The following CFAP410 variants were observed in gnomAD, a reference collection of about 807,000 sequenced individuals.
CFAP410 encodes cilia and flagella associated protein 410.
In CFAP410, 27 loss-of-function variants were observed where a neutral mutation model predicts 25.7. The ratio of observed to expected loss-of-function variants is 1.05; its 90% CI spans 0.77 to 1.45. CFAP410 has a LOEUF of 1.45. Among genes scored for constraint, CFAP410 ranks in the 40% most tolerant of loss-of-function variants. The probability of loss-of-function intolerance (pLI) is 0.00; values close to 1 mark genes in which losing one functional copy is unlikely to be tolerated. For synonymous variants in CFAP410, 178 were observed against 158.4 expected (o/e 1.12, Z -0.93); for missense variants, 428 against 354.1 (o/e 1.21, Z -1.67).
rs1426052453 is a variant in CFAP410, at chr21:44,339,343, G to C, written c.-149C>G. 3 of 452,786 alleles carry C rather than the reference G, an allele frequency of 6.6e-6. No homozygotes were observed. Among genetic ancestry groups the C allele is most frequent in the Admixed American group, 4.5e-5 (1 of 22,294 alleles). 28.0% of individuals were successfully genotyped at this position (452,786 alleles called of 1,614,324 possible). A position where few individuals can be genotyped will look rare whatever the true frequency, so the allele number is the denominator to read the frequency against. The stretch of plus-strand genomic sequence containing the variant: ...GGCGGCTCGGTGAGGAGAGCGGGGC[G>C]ACGCGAGCCCGCTGGGGCCGCTTGG... On this transcript the variant is annotated 5_prime_UTR_variant, in exon 1 of 7. Coordinates refer to ENST00000339818, the MANE Select transcript of CFAP410 (RefSeq NM_004928.3).
rs372853354 is a variant in CFAP410 at position 44,337,631 on chromosome 21, C to G, written c.96+18G>C. On this transcript the variant is annotated intron_variant, in intron 2 of 6. Coordinates refer to ENST00000339818, the MANE Select transcript of CFAP410 (RefSeq NM_004928.3). ...GAGATGATCAGTGCAATACTTACAT[C>G]TGTGAGGCAATACTTACATCTGTGA... The G allele has an allele frequency of 6.2e-7, 1 of 1,610,066 alleles. No homozygotes were observed. Among genetic ancestry groups the G allele is most frequent in the African/African-American group, 1.3e-5 (1 of 74,826 alleles).
chr21:44,330,390 G>T, intron 6 of CFAP410, 64 bp from the exon 7 acceptor site: 1 of 1,578,630 alleles, frequency 6.3e-7, no homozygotes. Context: ...CTCCACAAGG[G>T]CTGGGGCCTG....
chr21:44,333,194 C>A lies in CFAP410; in HGVS notation c.212G>T (p.Arg71Met). The A allele has an allele frequency of 6.2e-7, 1 of 1,612,956 alleles. No homozygotes were observed. The highest frequency in any genetic ancestry group is 8.5e-7 in the Non-Finnish European group (1 of 1,179,964). Residue 71 changes from arginine to methionine, a missense_variant, in exon 4 of 7, where the codon AGG (arginine) becomes ATG (methionine). By Grantham distance (91) the Arg-to-Met change is moderately conservative. Coordinates refer to ENST00000339818, the MANE Select transcript of CFAP410 (RefSeq NM_004928.3). ...CTCAGCCAGGCTGGGGATGCGGTTC[C>A]TCCGCAGGTACAGCTCACTCAGGCG... ...CQRLSELYLR[R>M]NRIPSLAELF...
chr21:44,335,893 C>A (rs894090989), intron 2 of CFAP410, 89 bp from the exon 3 acceptor site: 11 of 1,015,562 alleles, frequency 1.1e-5, no homozygotes, highest in Non-Finnish European at 1.7e-5. Flanking sequence ...GTCGAAGCCA[C>A]GGCCAACCCA....
At chr21:44,333,658 G>A (rs2047694800) in intron 3 of CFAP410, 1 of 309,746 alleles carries the variant, frequency 3.2e-6, no homozygotes, top group African/African-American at 2.1e-5. Context: ...CAAAAACTAG[G>A]AGCCAGCTCC....
chr21:44,330,994 G>T, intron 5 of CFAP410, 75 bp from the exon 6 acceptor site: 1 of 1,319,390 alleles, frequency 7.6e-7, no homozygotes, highest in Non-Finnish European at 1.0e-6. Flanking sequence ...CCCTGTCTGC[G>T]GGTCGCATCC....
chr21:44,334,696 A>G (rs1357402243), intron 3 of CFAP410: 2 of 248,626 alleles, frequency 8.0e-6, no homozygotes, highest in Non-Finnish European at 1.6e-5. Context: ...TAGCCAGCCA[A>G]TAGATGGGAG....
At position 44,330,835 on chromosome 21, in the gene CFAP410, G is replaced by T; in HGVS notation, c.630C>A (p.Ser210Arg). 1.2e-6 allele frequency: 2 copies of T among 1,603,952 alleles called. No individual in the cohort carries two copies. Among genetic ancestry groups the T allele is most frequent in the Non-Finnish European group, 1.7e-6 (2 of 1,175,748 alleles). The change falls in exon 6 of 7, where the codon AGC (serine) becomes AGA (arginine). Residue 210 changes from serine (S) to arginine (R), a missense_variant. Ser to Arg is a moderately radical substitution (Grantham distance 110, BLOSUM62 -1). Transcript: ENST00000339818. Reference protein sequence around the residue: ...PSLSARDASSSHRGRNVLTAI... With the variant: ...PSLSARDASSRHRGRNVLTAI... Reference sequence around the variant, plus strand: ...GCCCGCCACTCACCCTGCCCCTGTGGCTGCTCGAGGCATCCCTGGCTGAGA... The same window carrying T: ...GCCCGCCACTCACCCTGCCCCTGTGTCTGCTCGAGGCATCCCTGGCTGAGA...
chr21:44,337,968 A>G (rs537223521), intron 1 of CFAP410, among the ~76,000 whole-genome samples: 1 of 152,336 alleles, frequency 6.6e-6, no homozygotes, highest in East Asian at 1.9e-4. Flanking sequence ...CCTGAGTAGC[A>G]GAAGGTTCAT....
intron 1 of CFAP410, 38 bp from the exon 2 acceptor site, chr21:44,337,705 A>G (rs747734523): frequency 3.1e-6 from 5 of 1,592,042 alleles, no homozygotes; most frequent in Non-Finnish European, 4.3e-6. Flanking sequence ...ATTTTGTTAA[A>G]GTTGAATAAA....
At chr21:44,333,895 C>A (rs1343025811) in intron 3 of CFAP410, 2 of 357,388 alleles carry the variant, frequency 5.6e-6, no homozygotes, top group Non-Finnish European at 1.1e-5. Context: ...GAGCCAGGGC[C>A]CCCTGCCTGG....
At chr21:44,331,590 G>A (rs527918461) in intron 5 of CFAP410, 136 of 501,438 alleles carry the variant, frequency 2.7e-4, no homozygotes, top group Admixed American at 2.2e-3. Context: ...GCCAGGGCAC[G>A]GGGCCTGGCT....
chr21:44,333,248 G>T lies in CFAP410; in HGVS notation c.158C>A (p.Ser53Tyr). 1 of 1,611,688 alleles carries T rather than the reference G, an allele frequency of 6.2e-7. No individual in the cohort carries two copies. The highest frequency in any genetic ancestry group is 2.2e-5 in the East Asian group (1 of 44,844). Reference protein sequence around the residue: ...EVITLSVNSISTLEPVSRCQR... With the variant: ...EVITLSVNSIYTLEPVSRCQR... Reference sequence around the variant, plus strand: ...GCACCGGCTCACAGGCTCCAGGGTGGAGATGCTGTTGACACTGCACGGAGA... The same window carrying T: ...GCACCGGCTCACAGGCTCCAGGGTGTAGATGCTGTTGACACTGCACGGAGA... Residue 53 changes from serine to tyrosine, a missense_variant, in exon 4 of 7, where the codon TCC becomes TAC. Ser to Tyr is a moderately radical substitution (Grantham distance 144). Coordinates refer to ENST00000339818, the MANE Select transcript of CFAP410 (RefSeq NM_004928.3).
chr21:44,339,226 C>G lies in CFAP410; in HGVS notation c.-32G>C. On this transcript the variant is annotated 5_prime_UTR_variant, in exon 1 of 7. Coordinates refer to ENST00000339818, the MANE Select transcript of CFAP410 (RefSeq NM_004928.3). ...CGCCCAGGCCCGACCGGCGGGCGCC[C>G]CCGGCCTCCTGATCCCGGGCGGGTG... 1 of 1,383,694 alleles carries G rather than the reference C, an allele frequency of 7.2e-7. No homozygotes were observed. The highest frequency in any genetic ancestry group is 2.1e-4 in the Middle Eastern group (1 of 4,810). The allele number at this position is 1,383,694 out of a possible 1,614,324, so 85.7% of individuals were successfully genotyped here.
rs371627365 is a variant in CFAP410, at chr21:44,330,846, C to G, written c.619G>C (p.Ala207Pro). The G allele has an allele frequency of 6.2e-7, 1 of 1,605,278 alleles. No homozygotes were observed. The highest frequency in any genetic ancestry group is 8.5e-7 in the Non-Finnish European group (1 of 1,176,454). The change falls in exon 6 of 7, where the codon GCC becomes CCC. Residue 207 changes from alanine (A) to proline (P), a missense_variant. Transcript: ENST00000339818. ...GQFPSLSARDASSSHRGRNVL... is the reference protein window; with the variant it reads ...GQFPSLSARDPSSSHRGRNVL... ...ACCCTGCCCCTGTGGCTGCTCGAGG[C>G]ATCCCTGGCTGAGAGGGAAGGAAAC...
rs750956343 is a variant in CFAP410 at position 44,339,153 on chromosome 21, G to C, written c.42C>G (p.Ala14=). Residue 14 remains alanine (A), a synonymous_variant, in exon 1 of 7, where the codon GCC becomes GCG. Coordinates refer to ENST00000339818, the MANE Select transcript of CFAP410 (RefSeq NM_004928.3). ...GCTTGCGCACGCTGTGCAGCTCCGA[G>C]GCCTTGGCCCGGGTCAGAACCATCT... is the stretch of plus-strand genomic sequence containing the variant. The part of the protein sequence containing the change: ...TRKMVLTRAK[A]SELHSVRKLN... 1.2e-5 allele frequency: 17 copies of C among 1,473,654 alleles called. 1 individual carries two copies. In the South Asian group the frequency reaches 1.8e-4, roughly 16 times the overall value. The allele number at this position is 1,473,654 out of a possible 1,614,324, so 91.3% of individuals were successfully genotyped here.
chr21:44,335,652 T>C (rs2047737450), intron 3 of CFAP410, 106 bp downstream of exon 3: 3 of 876,212 alleles, frequency 3.4e-6, no homozygotes, highest in Non-Finnish European at 5.5e-6. Flanking sequence ...CAGTCTGTGT[T>C]GGAGGTTTCC....
intron 2 of CFAP410, among the ~76,000 whole-genome samples, chr21:44,336,335 T>G (rs1437005433): frequency 6.6e-6 from 1 of 152,196 alleles, no homozygotes; most frequent in Non-Finnish European, 1.5e-5. Flanking sequence ...CATTCATTAC[T>G]TTAGATGCCC....
intron 5 of CFAP410, 43 bp downstream of exon 5, chr21:44,331,800 G>A: frequency 6.3e-7 from 1 of 1,586,240 alleles, no homozygotes; most frequent in Non-Finnish European, 8.5e-7. Context: ...GACCCTGGGG[G>A]ACAGGGATGG....
Sources: allele counts gnomAD v4.1 joint callset (sites outside exome capture counted in the v4.1 genomes callset), GRCh38; gene constraint gnomAD v4.1.1; transcripts MANE v1.5; gene names NCBI Gene and HGNC (gene_info 2026-07-23, HGNC 2026-07-21).